Variants in ZNF804A observed in about 807,000 individuals in gnomAD.
ZNF804A encodes zinc finger protein 804A.
ZNF804A carries 2 observed loss-of-function variants against 16.5 expected under a neutral mutation model. The observed-to-expected ratio is 0.12, with a 90% CI of 0.05 to 0.38. ZNF804A has a LOEUF of 0.38. Ranked by LOEUF, ZNF804A falls within the 10% of genes least tolerant of loss-of-function variation. The pLI is 0.99. For synonymous variants in ZNF804A, 534 were observed against 489.6 expected (o/e 1.09, Z -1.20); for missense variants, 1,473 against 1,390.7 (o/e 1.06, Z -0.94).
chr2:184,933,742 C>A lies in ZNF804A; in HGVS notation c.386+9C>A. The A allele has an allele frequency of 6.3e-7, 1 of 1,589,492 alleles. No homozygotes were observed. Among genetic ancestry groups the A allele is most frequent in the Non-Finnish European group, 8.5e-7 (1 of 1,173,120 alleles). On this transcript the variant is annotated intron_variant, in intron 3 of 3. Transcript: ENST00000302277. ...AGAAAGGAAACTGTATGGTGAGTAT[C>A]CAATGAAATTGTAAGTTTTCTTAAA...
intron 1 of ZNF804A, among the ~76,000 whole-genome samples, chr2:184,631,626 C>T (rs758182629): frequency 3.9e-5 from 6 of 152,112 alleles, no homozygotes; most frequent in Non-Finnish European, 8.8e-5. Context: ...AGTTCATATA[C>T]AGTTAATATC....
At chr2:184,686,731 T>TCATCCTGA (rs751203434) in intron 1 of ZNF804A, among the ~76,000 whole-genome samples, 40 of 152,202 alleles carry the variant, frequency 2.6e-4, no homozygotes, top group Admixed American at 1.4e-3. Flanking sequence ...TTAATAATAG[T>TCATCCTGA]CATCCTGACG....
rs774115400 is a variant in ZNF804A at position 184,598,916 on chromosome 2, T to C, written c.-44T>C. The C allele has an allele frequency of 5.8e-6, 8 of 1,376,936 alleles. No individual in the cohort carries two copies. Among genetic ancestry groups the C allele is most frequent in the Middle Eastern group, 2.2e-4 (1 of 4,506 alleles). The allele number at this position is 1,376,936 out of a possible 1,614,324, so 85.3% of individuals were successfully genotyped here. A position where few individuals can be genotyped will look rare whatever the true frequency, so the allele number is the denominator to read the frequency against. The stretch of plus-strand genomic sequence containing the variant: ...GCGCGCTGCGGCTGTGGGCGCGGGG[T>C]GCGTGGAAGCGGCGGCTGCGGCGGA... On this transcript the variant is annotated 5_prime_UTR_variant, in exon 1 of 4. Coordinates refer to ENST00000302277, the MANE Select transcript of ZNF804A (RefSeq NM_194250.2).
At chr2:184,849,470 A>G (rs189097236) in intron 1 of ZNF804A, among the ~76,000 whole-genome samples, 4 of 152,068 alleles carry the variant, frequency 2.6e-5, no homozygotes. Flanking sequence ...GGCTGCTAGT[A>G]TTATATGAAA....
intron 2 of ZNF804A, among the ~76,000 whole-genome samples, chr2:184,913,472 C>T (rs1685395409): frequency 6.6e-6 from 1 of 152,114 alleles, no homozygotes; most frequent in South Asian, 2.1e-4. Context: ...ACTCCCTCAG[C>T]TCTTGTTTCT....
intron 1 of ZNF804A, among the ~76,000 whole-genome samples, chr2:184,706,069 T>C (rs1407073528): frequency 6.6e-6 from 1 of 152,130 alleles, no homozygotes; most frequent in Non-Finnish European, 1.5e-5. Context: ...CACACCCCCA[T>C]ACAGTGAGCT....
chr2:184,843,472 C>T (rs189543601), intron 1 of ZNF804A, among the ~76,000 whole-genome samples: 2 of 151,994 alleles, frequency 1.3e-5, no homozygotes, highest in African/African-American at 2.4e-5. Flanking sequence ...TGGGGTTTCA[C>T]CATGTTGGCC....
In ZNF804A at chr2:184,936,822, A is replaced by G; in HGVS notation, c.1426A>G (p.Asn476Asp). 1 of 1,612,984 alleles carries G rather than the reference A, an allele frequency of 6.2e-7. No individual in the cohort carries two copies. The highest frequency in any genetic ancestry group is 8.5e-7 in the Non-Finnish European group (1 of 1,179,648). The change falls in exon 4 of 4, where the codon AAT (asparagine) becomes GAT (aspartate). Residue 476 changes from asparagine to aspartate, a missense_variant. Coordinates refer to ENST00000302277, the MANE Select transcript of ZNF804A (RefSeq NM_194250.2). ...TAAAGTAAATAATAATCTAGATAAAAATAAGCCAGACTTAAAAGATCTTTG... is the reference window on the plus strand; with the variant it reads ...TAAAGTAAATAATAATCTAGATAAAGATAAGCCAGACTTAAAAGATCTTTG... ...STKVNNNLDK[N>D]KPDLKDLCSQ...
intron 1 of ZNF804A, among the ~76,000 whole-genome samples, chr2:184,668,397 A>G (rs1692284152): frequency 6.6e-6 from 1 of 151,952 alleles, no homozygotes; most frequent in South Asian, 2.1e-4. Context: ...CAAATAAAAT[A>G]TAATAACCTG....
At chr2:184,816,349 A>T (rs539300536) in intron 1 of ZNF804A, among the ~76,000 whole-genome samples, 1 of 152,038 alleles carries the variant, frequency 6.6e-6, no homozygotes, top group South Asian at 2.1e-4. Flanking sequence ...TTACCTTTGG[A>T]GGGCATATTT....
At position 184,938,380 on chromosome 2, in the gene ZNF804A, A is replaced by C. The variant is rs1559009806; in HGVS notation, c.2984A>C (p.Asn995Thr). 6.2e-7 allele frequency: 1 copy of C among 1,614,138 alleles called. No individual in the cohort carries two copies. Among genetic ancestry groups the C allele is most frequent in the Non-Finnish European group, 8.5e-7 (1 of 1,180,024 alleles). Residue 995 changes from asparagine to threonine, a missense_variant, in exon 4 of 4, where the codon AAT (asparagine) becomes ACT (threonine). Asn to Thr is a moderately conservative substitution (Grantham distance 65, BLOSUM62 0). Transcript: ENST00000302277. ...ACACCAACTGAGTGGCTGCGTTATA[A>C]TTCAGGAATCCTTAACACACAACCA... ...NETPTEWLRYNSGILNTQPPL... is the reference protein window; with the variant it reads ...NETPTEWLRYTSGILNTQPPL...
chr2:184,923,669 C>T (rs1209703040), intron 2 of ZNF804A, among the ~76,000 whole-genome samples: 6 of 151,870 alleles, frequency 4.0e-5, no homozygotes, highest in East Asian at 3.8e-4. Context: ...TCATTCAGTA[C>T]GATACTAGCT....
At chr2:184,770,557 AT>A (rs1342006081) in intron 1 of ZNF804A, among the ~76,000 whole-genome samples, 1 of 132,384 alleles carries the variant, frequency 7.6e-6, no homozygotes, top group Non-Finnish European at 1.5e-5. Context: ...TGAAACATTT[AT>A]GTTCTTTATG....
intron 1 of ZNF804A, among the ~76,000 whole-genome samples, chr2:184,820,372 C>T (rs1006726622): frequency 6.6e-6 from 1 of 151,924 alleles, no homozygotes; most frequent in Non-Finnish European, 1.5e-5. Flanking sequence ...AACATCCTCT[C>T]ACATTAAAAG....
chr2:184,827,464 A>G (rs929245393), intron 1 of ZNF804A, among the ~76,000 whole-genome samples: 1 of 146,610 alleles, frequency 6.8e-6, no homozygotes, highest in Non-Finnish European at 1.5e-5. Flanking sequence ...ATATATTTAT[A>G]TATACTATAA....
At chr2:184,881,713 C>A (rs1229689780) in intron 2 of ZNF804A, among the ~76,000 whole-genome samples, 4 of 151,882 alleles carry the variant, frequency 2.6e-5, no homozygotes, top group African/African-American at 9.7e-5. Flanking sequence ...GAATAAGATA[C>A]TTTTCAGACA....
chr2:184,640,534 C>CAAAA (rs1250748932), intron 1 of ZNF804A, among the ~76,000 whole-genome samples: 2 of 151,844 alleles, frequency 1.3e-5, no homozygotes, highest in Admixed American at 1.3e-4. Context: ...AAACACCAGA[C>CAAAA]AAAAAACATT....
chr2:184,676,764 A>G (rs1040426043), intron 1 of ZNF804A, among the ~76,000 whole-genome samples: 1 of 151,836 alleles, frequency 6.6e-6, no homozygotes, highest in African/African-American at 2.4e-5. Context: ...GGAGATCAAT[A>G]GTATCTTGAA....
chr2:184,837,616 C>A (rs1315692750), intron 1 of ZNF804A, among the ~76,000 whole-genome samples: 1 of 151,940 alleles, frequency 6.6e-6, no homozygotes, highest in Non-Finnish European at 1.5e-5. Context: ...CACTTTTTTA[C>A]AGAAATATTT....
Sources: allele counts gnomAD v4.1 joint callset (sites outside exome capture counted in the v4.1 genomes callset), GRCh38; gene constraint gnomAD v4.1.1; transcripts MANE v1.5; gene names NCBI Gene and HGNC (gene_info 2026-07-23, HGNC 2026-07-21).